LUZP2: variants seen among roughly 807,000 people sequenced by gnomAD.
The protein encoded by LUZP2 is leucine zipper protein 2.
In LUZP2, 52 loss-of-function variants were observed where a neutral mutation model predicts 51.6. That is an observed-to-expected ratio of 1.01 (90% confidence interval 0.81 to 1.27). The LOEUF is 1.27. Ranked by LOEUF, LUZP2 falls within the 50% of genes most tolerant of loss-of-function variation. LUZP2 has a pLI of 0.00. For missense variants in LUZP2, 436 were observed against 395.4 expected, an observed-to-expected ratio of 1.10 and a Z score of -0.87; for synonymous variants, 154 against 137.3, an observed-to-expected ratio of 1.12 and a Z score of -0.85.
At chr11:24,866,902 C>T (rs1341570447) in intron 5 of LUZP2, among the ~76,000 whole-genome samples, 32 of 152,156 alleles carry the variant, frequency 2.1e-4, no homozygotes, top group Non-Finnish European at 1.0e-4. Context: ...AACAGGAGTT[C>T]GGTGGGAGAT....
intron 4 of LUZP2, among the ~76,000 whole-genome samples, chr11:24,762,689 G>A (rs1009166947): frequency 1.4e-4 from 21 of 152,092 alleles, no homozygotes; most frequent in African/African-American, 4.8e-4. Context: ...CACTCGGGCA[G>A]GTAATGCTAT....
intron 1 of LUZP2, among the ~76,000 whole-genome samples, chr11:24,610,812 G>A (rs572016742): frequency 6.6e-6 from 1 of 152,134 alleles, no homozygotes; most frequent in Non-Finnish European, 1.5e-5. Flanking sequence ...GGGCGTGGGG[G>A]CACGTGCCTG....
chr11:24,896,897 T>A (rs1336747047), intron 5 of LUZP2, among the ~76,000 whole-genome samples: 1 of 151,896 alleles, frequency 6.6e-6, no homozygotes, highest in Non-Finnish European at 1.5e-5. Flanking sequence ...GGTGGGGACT[T>A]GGAGAAATTT....
At chr11:24,654,439 C>G (rs1284174999) in intron 1 of LUZP2, among the ~76,000 whole-genome samples, 1 of 151,694 alleles carries the variant, frequency 6.6e-6, no homozygotes, top group Non-Finnish European at 1.5e-5. Context: ...GTTTTTCAGA[C>G]AGGGTCTCAC....
intron 7 of LUZP2, among the ~76,000 whole-genome samples, chr11:24,923,874 G>T (rs1590736265): frequency 6.6e-6 from 1 of 152,256 alleles, no homozygotes; most frequent in Middle Eastern, 3.4e-3. Flanking sequence ...CACTTGAGAT[G>T]AATTCATATT....
chr11:25,018,358 A>G (rs1246603103), intron 9 of LUZP2, among the ~76,000 whole-genome samples: 2 of 152,026 alleles, frequency 1.3e-5, no homozygotes, highest in African/African-American at 4.8e-5. Flanking sequence ...ATTCTTTGGA[A>G]CAGAATCACT....
At chr11:24,588,813 A>G (rs1382855125) in intron 1 of LUZP2, among the ~76,000 whole-genome samples, 1 of 152,106 alleles carries the variant, frequency 6.6e-6, no homozygotes, top group Non-Finnish European at 1.5e-5. Flanking sequence ...ACTGAGGCCT[A>G]GAGAGATTAA....
intron 1 of LUZP2, among the ~76,000 whole-genome samples, chr11:24,700,458 T>C (rs149532276): frequency 0.013 from 2,034 of 152,310 alleles, 42 homozygotes; most frequent in East Asian, 0.048. Context: ...CACCCAATAC[T>C]GACACTTCCT....
At chr11:24,821,447 A>G (rs896875225) in intron 5 of LUZP2, among the ~76,000 whole-genome samples, 1 of 152,110 alleles carries the variant, frequency 6.6e-6, no homozygotes, top group South Asian at 2.1e-4. Context: ...TTTAAGATAT[A>G]TATCTATTAA....
At chr11:24,978,599 C>T (rs1181863135) in intron 8 of LUZP2, among the ~76,000 whole-genome samples, 1 of 151,568 alleles carries the variant, frequency 6.6e-6, no homozygotes, top group Non-Finnish European at 1.5e-5. Flanking sequence ...TTTTTGTGGC[C>T]ATCCTATGCT....
At chr11:24,921,040 G>A (rs970134071) in intron 7 of LUZP2, among the ~76,000 whole-genome samples, 1 of 152,024 alleles carries the variant, frequency 6.6e-6, no homozygotes, top group African/African-American at 2.4e-5. Flanking sequence ...CACTTACATT[G>A]TATTAGGTAT....
intron 5 of LUZP2, among the ~76,000 whole-genome samples, chr11:24,852,281 G>A (rs927852244): frequency 1.3e-5 from 2 of 152,066 alleles, no homozygotes; most frequent in African/African-American, 4.8e-5. Context: ...CTTTAGCTGT[G>A]TCCCAGAGAT....
rs1426744090 is a variant in LUZP2 at position 24,679,024 on chromosome 11, G to C, written c.63-50145G>C. Among the ~76,000 whole-genome samples, 10 of 152,176 alleles carry C rather than the reference G, an allele frequency of 6.6e-5. No individual in the cohort carries two copies. In the East Asian group the frequency reaches 1.9e-3, roughly 29 times the overall value. Reference sequence around the variant, plus strand: ...GAGGTATTTTTCATTTCTAACTTCTGATTATAATAACATTGTCAGTAAGCT... The same window carrying C: ...GAGGTATTTTTCATTTCTAACTTCTCATTATAATAACATTGTCAGTAAGCT... On this transcript the variant is annotated intron_variant, in intron 1 of 11. Coordinates refer to ENST00000336930, the MANE Select transcript of LUZP2 (RefSeq NM_001009909.4).
At chr11:24,917,195 G>A (rs1853816826) in intron 7 of LUZP2, among the ~76,000 whole-genome samples, 1 of 151,988 alleles carries the variant, frequency 6.6e-6, no homozygotes, top group Admixed American at 6.6e-5. Flanking sequence ...TTTTTTTCTT[G>A]TAAATTTGTT....
intron 1 of LUZP2, among the ~76,000 whole-genome samples, chr11:24,578,541 C>T (rs1468604337): frequency 6.8e-6 from 1 of 147,514 alleles, no homozygotes; most frequent in Non-Finnish European, 1.5e-5. Flanking sequence ...CCCTAGGTGC[C>T]CAGTGATGGT....
rs1369669633 is a variant in LUZP2 at position 24,621,186 on chromosome 11, T to C, written c.63-107983T>C. ...TGAATGCATAAGCAAAATTAGTGCA[T>C]TGAAGTTTAATTTATAACAGCTTCT... is the stretch of plus-strand genomic sequence containing the variant. On this transcript the variant is annotated intron_variant, in intron 1 of 11. Coordinates refer to ENST00000336930, the MANE Select transcript of LUZP2 (RefSeq NM_001009909.4). Among the ~76,000 whole-genome samples, 3 of 152,368 alleles carry C rather than the reference T, an allele frequency of 2.0e-5. No individual in the cohort carries two copies. The East Asian group carries it at 5.8e-4, about 29-fold the overall frequency.
intron 1 of LUZP2, among the ~76,000 whole-genome samples, chr11:24,571,907 A>G (rs1189321172): frequency 6.6e-6 from 1 of 152,028 alleles, no homozygotes; most frequent in Non-Finnish European, 1.5e-5. Flanking sequence ...AAGATAATGT[A>G]CTTCTACATC....
At chr11:24,729,341 C>A (rs755742845) in intron 2 of LUZP2, 55 bp downstream of exon 2, 1 of 914,754 alleles carries the variant, frequency 1.1e-6, no homozygotes, top group African/African-American at 1.7e-5. Flanking sequence ...ATCTGATTTT[C>A]TGAGTGGATT....
chr11:24,538,534 A>G (rs928030024), intron 1 of LUZP2, among the ~76,000 whole-genome samples: 5 of 151,666 alleles, frequency 3.3e-5, no homozygotes, highest in African/African-American at 1.2e-4. Flanking sequence ...ACTTTTTGGT[A>G]TGTATATTTT....
Sources: allele counts gnomAD v4.1 joint callset (sites outside exome capture counted in the v4.1 genomes callset), GRCh38; gene constraint gnomAD v4.1.1; transcripts MANE v1.5; gene names NCBI Gene and HGNC (gene_info 2026-07-23, HGNC 2026-07-21).